MGRN1: variants seen among roughly 807,000 people sequenced by gnomAD.
MGRN1 encodes mahogunin ring finger 1.
In MGRN1, 29 loss-of-function variants were observed where a neutral mutation model predicts 69.2. The ratio of observed to expected loss-of-function variants is 0.42; its 90% CI spans 0.31 to 0.57. The LOEUF (loss-of-function observed/expected upper bound fraction) is 0.57. MGRN1 is among the 20% of genes least tolerant of loss of function. The pLI is 0.15. For missense variants in MGRN1, 998 were observed against 796.2 expected (o/e 1.25, Z -3.05); for synonymous variants, 470 against 344.2 (o/e 1.37, Z -4.04).
chr16:4,636,019 C>G (rs929386582), intron 1 of MGRN1, among the ~76,000 whole-genome samples: 1 of 151,028 alleles, frequency 6.6e-6, no homozygotes, highest in Non-Finnish European at 1.5e-5. Context: ...TCAGGCTGGT[C>G]TTGAACTCTT....
chr16:4,631,331 C>G (rs1258205661), intron 1 of MGRN1, among the ~76,000 whole-genome samples: 2 of 152,198 alleles, frequency 1.3e-5, no homozygotes, highest in African/African-American at 4.8e-5. Flanking sequence ...ATCAAAACAA[C>G]AGCGACAAGA....
intron 9 of MGRN1, among the ~76,000 whole-genome samples, chr16:4,672,737 T>G (rs1244919877): frequency 6.6e-6 from 1 of 152,250 alleles, no homozygotes; most frequent in Non-Finnish European, 1.5e-5. Flanking sequence ...TGTGGACACC[T>G]GTTTTAGATT....
chr16:4,636,583 T>C (rs1187534613), intron 1 of MGRN1, among the ~76,000 whole-genome samples: 1 of 152,036 alleles, frequency 6.6e-6, no homozygotes, highest in African/African-American at 2.4e-5. Context: ...TTTTAAACTT[T>C]TAGGAGTGAA....
At chr16:4,632,285 A>G (rs1431345316) in intron 1 of MGRN1, among the ~76,000 whole-genome samples, 8 of 147,562 alleles carry the variant, frequency 5.4e-5, no homozygotes, top group Middle Eastern at 3.6e-3. Context: ...AAGAGCTGGT[A>G]TTACAGGCAT....
chr16:4,643,262 A>AT (rs1463633010), intron 1 of MGRN1, among the ~76,000 whole-genome samples: 4 of 151,890 alleles, frequency 2.6e-5, no homozygotes, highest in Admixed American at 2.6e-4. Flanking sequence ...GCCTGGACTA[A>AT]TTTTTGTATT....
In MGRN1 at chr16:4,682,932, A is replaced by G. The variant is rs772907432; in HGVS notation, c.1468A>G (p.Ser490Gly). The G allele has an allele frequency of 1.3e-6, 2 of 1,593,680 alleles. No individual in the cohort carries two copies. Among genetic ancestry groups the G allele is most frequent in the East Asian group, 2.3e-5 (1 of 44,246 alleles). The change falls in exon 14 of 17, where the codon AGC becomes GGC. Residue 490 changes from serine (S) to glycine (G), a missense_variant. Coordinates refer to ENST00000262370, the MANE Select transcript of MGRN1 (RefSeq NM_015246.4). ...TGGCGCAGAGCTGGCCCTGCGGGAA[A>G]GCAGCTCCCCTGAGGTGAGGCCCCC... Reference protein sequence around the residue: ...LGGAELALRESSSPESFITEE... With the variant: ...LGGAELALREGSSPESFITEE...
intron 16 of MGRN1, 67 bp from the exon 17 acceptor site, chr16:4,688,729 G>A (rs1044880930): frequency 2.1e-5 from 32 of 1,489,428 alleles, no homozygotes; most frequent in Admixed American, 6.6e-5. Context: ...GCTCCAGATC[G>A]GTAGGAGCGG....
chr16:4,626,081 TC>T (rs1433742615), intron 1 of MGRN1, among the ~76,000 whole-genome samples: 10 of 152,282 alleles, frequency 6.6e-5, no homozygotes, highest in African/African-American at 2.2e-4. Context: ...TTCAACCCAT[TC>T]CCCATGTGAG....
chr16:4,661,407 C>CA (rs1567206568), intron 5 of MGRN1, among the ~76,000 whole-genome samples: 1 of 152,218 alleles, frequency 6.6e-6, no homozygotes, highest in Non-Finnish European at 1.5e-5. Flanking sequence ...GAGGCTGGGT[C>CA]GGCTCCTGTT....
chr16:4,641,605 G>C (rs1270068635), intron 1 of MGRN1, among the ~76,000 whole-genome samples: 2 of 149,914 alleles, frequency 1.3e-5, no homozygotes, highest in African/African-American at 4.9e-5. Flanking sequence ...CGCAACCTCT[G>C]CCTCCCAGGT....
chr16:4,670,021 G>C (rs1401253512), intron 8 of MGRN1, among the ~76,000 whole-genome samples: 2 of 151,718 alleles, frequency 1.3e-5, no homozygotes, highest in African/African-American at 4.8e-5. Context: ...AATGATTTTT[G>C]TTAGTTTTTA....
At chr16:4,659,637 A>T (rs1450381508) in intron 5 of MGRN1, among the ~76,000 whole-genome samples, 3 of 152,280 alleles carry the variant, frequency 2.0e-5, no homozygotes, top group African/African-American at 7.2e-5. Flanking sequence ...CGTGCAGCAT[A>T]GTGCTGGCTC....
chr16:4,657,276 C>A lies in MGRN1; in HGVS notation c.474C>A (p.Ser158=). The part of the protein sequence containing the change: ...VYSPKSPSLQ[S]ETVHYKRGVS... ...GCCCCAAGAGCCCCTCGCTACAGTCCGAGACCGTCCACTACAAGAGAGGGG... is the reference window on the plus strand; with the variant it reads ...GCCCCAAGAGCCCCTCGCTACAGTCAGAGACCGTCCACTACAAGAGAGGGG... Residue 158 remains serine, a synonymous_variant, in exon 5 of 17, where the codon TCC becomes TCA. Coordinates refer to ENST00000262370, the MANE Select transcript of MGRN1 (RefSeq NM_015246.4). 6.2e-7 allele frequency: 1 copy of A among 1,614,156 alleles called. No individual in the cohort carries two copies. The highest frequency in any genetic ancestry group is 8.5e-7 in the Non-Finnish European group (1 of 1,179,988).
intron 1 of MGRN1, among the ~76,000 whole-genome samples, chr16:4,625,330 G>A (rs900601908): frequency 6.6e-6 from 1 of 152,236 alleles, no homozygotes; most frequent in Admixed American, 6.5e-5. Flanking sequence ...TGCAACAGGG[G>A]GGAGCTCCTG....
intron 2 of MGRN1, 161 bp downstream of exon 2, chr16:4,650,644 C>T (rs1482596808): frequency 5.3e-6 from 3 of 569,648 alleles, no homozygotes; most frequent in Non-Finnish European, 6.1e-6. Context: ...GGGCACGTGC[C>T]CTGGAATGGG....
chr16:4,638,651 G>A lies in MGRN1; in HGVS notation c.89-11714G>A, dbSNP rs188794939. On this transcript the variant is annotated intron_variant, in intron 1 of 16. Transcript: ENST00000262370. The stretch of plus-strand genomic sequence containing the variant: ...CCCTCTGGCCTCCCACCTGGTGGGG[G>A]CATCCTGGGACCTGATCTTGTGCAG... Among the ~76,000 whole-genome samples, 380 of 152,326 alleles carry A rather than the reference G, an allele frequency of 2.5e-3. 1 individual carries two copies. Among genetic ancestry groups the A allele is most frequent in the Non-Finnish European group, 4.3e-3 (294 of 68,016 alleles).
chr16:4,670,073 T>G (rs2078903787), intron 8 of MGRN1, among the ~76,000 whole-genome samples: 1 of 152,158 alleles, frequency 6.6e-6, no homozygotes, highest in African/African-American at 2.4e-5. Flanking sequence ...TAATTTTATT[T>G]TATTGAGACA....
At chr16:4,665,523 C>A (rs908187802) in intron 7 of MGRN1, among the ~76,000 whole-genome samples, 2 of 151,710 alleles carry the variant, frequency 1.3e-5, no homozygotes, top group South Asian at 4.2e-4. Flanking sequence ...TGTGCACTAC[C>A]ACGCCTGGCT....
chr16:4,682,966 G>C lies in MGRN1; in HGVS notation c.1482+20G>C. The C allele has an allele frequency of 2.0e-6, 3 of 1,535,158 alleles. No homozygotes were observed. The highest frequency in any genetic ancestry group is 2.6e-6 in the Non-Finnish European group (3 of 1,137,348). ...CCTGAGGTGAGGCCCCCCCGGGGAA[G>C]CTTTGCGCACCCGCCCGGGCCAGCC... On this transcript the variant is annotated intron_variant, in intron 14 of 16. Transcript: ENST00000262370.
Sources: gnomAD v4.1 joint callset for allele counts (sites outside exome capture counted in the v4.1 genomes callset) on GRCh38, gnomAD v4.1.1 for gene constraint, MANE v1.5 for transcripts, NCBI Gene and HGNC (gene_info 2026-07-23, HGNC 2026-07-21) for gene names.